RPTOR: variants seen among roughly 807,000 people sequenced by gnomAD.
RPTOR encodes regulatory-associated protein of mTOR.
Under a neutral mutation model 169.9 loss-of-function variants are expected in RPTOR, and 21 were observed. The observed-to-expected ratio is 0.12, with a 90% CI of 0.09 to 0.18. The LOEUF (loss-of-function observed/expected upper bound fraction) is 0.18. Among genes scored for constraint, RPTOR ranks in the 10% least tolerant of loss-of-function variants. RPTOR has a pLI of 1.00. For synonymous variants in RPTOR, 732 were observed against 753.2 expected (o/e 0.97, Z 0.46); for missense variants, 1,133 against 1,855.9 (o/e 0.61, Z 7.16).
intron 2 of RPTOR, among the ~76,000 whole-genome samples, 189 bp from the exon 3 acceptor site, chr17:80,643,539 G>T (rs1374001200): frequency 6.6e-6 from 1 of 152,182 alleles, no homozygotes; most frequent in African/African-American, 2.4e-5. Flanking sequence ...CCTTCACGGC[G>T]TGTCAGCTTG....
chr17:80,853,218 A>G (rs1019575446), intron 11 of RPTOR, among the ~76,000 whole-genome samples: 6 of 151,744 alleles, frequency 4.0e-5, no homozygotes, highest in African/African-American at 9.7e-5. Flanking sequence ...GCCTTTCCCT[A>G]TCCGGCCCCT....
At chr17:80,557,964 A>T (rs2084432106) in intron 1 of RPTOR, among the ~76,000 whole-genome samples, 1 of 151,964 alleles carries the variant, frequency 6.6e-6, no homozygotes, top group East Asian at 1.9e-4. Flanking sequence ...TATATGGAAA[A>T]TGCCATTCCA....
intron 6 of RPTOR, among the ~76,000 whole-genome samples, chr17:80,760,606 T>C (rs1427125949): frequency 6.6e-6 from 1 of 152,104 alleles, no homozygotes; most frequent in African/African-American, 2.4e-5. Context: ...CCAGCCTCAG[T>C]CAAGCTTTCT....
At chr17:80,923,375 C>A in intron 22 of RPTOR, 115 bp from the exon 23 acceptor site, 1 of 1,167,178 alleles carries the variant, frequency 8.6e-7, no homozygotes, top group Non-Finnish European at 1.3e-6. Context: ...TGAGGACACC[C>A]CGGGCCCTGG....
chr17:80,634,281 T>G (rs1165585304), intron 2 of RPTOR, among the ~76,000 whole-genome samples: 1 of 146,482 alleles, frequency 6.8e-6, no homozygotes, highest in Admixed American at 6.7e-5. Flanking sequence ...GTGCGTACTG[T>G]GTGTGTGCGT....
At chr17:80,749,646 G>C (rs998544068) in intron 5 of RPTOR, among the ~76,000 whole-genome samples, 1 of 152,156 alleles carries the variant, frequency 6.6e-6, no homozygotes, top group African/African-American at 2.4e-5. Flanking sequence ...TCAGTTCTCA[G>C]GACTGGTTAG....
At chr17:80,716,069 C>T (rs2143135587) in intron 4 of RPTOR, among the ~76,000 whole-genome samples, 1 of 152,282 alleles carries the variant, frequency 6.6e-6, no homozygotes, top group East Asian at 1.9e-4. Context: ...TTATTTTCCT[C>T]TGGGTAAATA....
In RPTOR at chr17:80,936,637, AGGC is replaced by A. The variant is rs2068957463; in HGVS notation, c.2920-3858_2920-3856del. Reference sequence around the variant, plus strand: ...ATCCATGTATACAACATTCCAGGGAAGGCAAAACTGTGTGGAACTGTTCTATAT... The same window carrying A: ...ATCCATGTATACAACATTCCAGGGAAAAAACTGTGTGGAACTGTTCTATAT... On this transcript the variant is annotated intron_variant, in intron 24 of 33. Coordinates refer to ENST00000306801, the MANE Select transcript of RPTOR (RefSeq NM_020761.3). This position sits in a 1 kb window ranked among gnomAD's most constrained non-coding sequence, Gnocchi z 4.1. Among the ~76,000 whole-genome samples, 2 of 152,248 alleles carry A rather than the reference AGGC, an allele frequency of 1.3e-5. No homozygotes were observed. Among genetic ancestry groups the A allele is most frequent in the Non-Finnish European group, 2.9e-5 (2 of 68,040 alleles).
intron 6 of RPTOR, among the ~76,000 whole-genome samples, chr17:80,776,131 T>G (rs1023187388): frequency 6.6e-6 from 1 of 152,140 alleles, no homozygotes; most frequent in Non-Finnish European, 1.5e-5. Context: ...CCCAACAGTT[T>G]AAAGTTATGA....
intron 15 of RPTOR, 26 bp from the exon 16 acceptor site, chr17:80,883,755 A>C (rs748090764): frequency 6.2e-7 from 1 of 1,611,572 alleles, no homozygotes; most frequent in Non-Finnish European, 8.5e-7. Flanking sequence ...GCAGAGGCCA[A>C]CCTGTCTGTG....
At chr17:80,715,103 A>G (rs7211818) in intron 4 of RPTOR, among the ~76,000 whole-genome samples, 35,017 of 152,234 alleles carry the variant, frequency 0.23, 4,119 homozygotes, top group East Asian at 0.32. Context: ...AATAACAAAC[A>G]GCAGAAATCA....
At chr17:80,961,698 C>G (rs1016486145) in intron 31 of RPTOR, 4 of 552,910 alleles carry the variant, frequency 7.2e-6, no homozygotes, top group Non-Finnish European at 1.3e-5. Context: ...CCTGCAGGCG[C>G]TTTGGGAACT....
intron 24 of RPTOR, among the ~76,000 whole-genome samples, chr17:80,926,506 T>C (rs1477622266): frequency 1.3e-5 from 2 of 152,240 alleles, no homozygotes; most frequent in East Asian, 3.8e-4. Flanking sequence ...GAGATGTAGA[T>C]GACTTCCGTG....
chr17:80,770,309 G>A (rs1266937622), intron 6 of RPTOR, among the ~76,000 whole-genome samples: 5 of 152,156 alleles, frequency 3.3e-5, no homozygotes, highest in Admixed American at 2.6e-4. Context: ...CTGTCACTTC[G>A]GGTCCTCAGA....
chr17:80,561,263 G>GTGTATATATATATATATATATATA (rs1297941814), intron 1 of RPTOR, among the ~76,000 whole-genome samples: 11 of 19,610 alleles, frequency 5.6e-4, no homozygotes, highest in African/African-American at 9.1e-4. Flanking sequence ...ATATATATAT[G>GTGTATATATATATATATATATATA]TATATATATA....
chr17:80,597,690 T>G (rs2065154112), intron 1 of RPTOR, among the ~76,000 whole-genome samples: 1 of 150,628 alleles, frequency 6.6e-6, no homozygotes, highest in African/African-American at 2.5e-5. Context: ...TTTTGTTTAT[T>G]TTTTGTAGAG....
In RPTOR at chr17:80,940,676, G is replaced by A. The variant is rs1362600943; in HGVS notation, c.3025+75G>A. 78 of 1,190,080 alleles carry A rather than the reference G, an allele frequency of 6.6e-5. 2 individuals are homozygous for A. In the South Asian group the frequency reaches 9.6e-4, roughly 15 times the overall value. 73.7% of individuals were successfully genotyped at this position (1,190,080 alleles called of 1,614,324 possible). On this transcript the variant is annotated intron_variant, in intron 25 of 33. Coordinates refer to ENST00000306801, the MANE Select transcript of RPTOR (RefSeq NM_020761.3). ...TGGGGCGAGGGTCCCCTGTGAGCAG[G>A]CCCCCCGCGGCCCACGCACAACCTT...
chr17:80,760,512 G>A (rs2143366796), intron 6 of RPTOR, among the ~76,000 whole-genome samples: 1 of 152,110 alleles, frequency 6.6e-6, no homozygotes, highest in Middle Eastern at 3.4e-3. Flanking sequence ...ATGTTGGCCA[G>A]GCTGGCATCA....
rs187029340 is a variant in RPTOR at position 80,738,760 on chromosome 17, G to A, written c.654+8054G>A. ...CTCACGTTAAATTGATGCTCAGGAA[G>A]GATCTATAGATTTGGCTTGATAAAT... On this transcript the variant is annotated intron_variant, in intron 5 of 33. Transcript: ENST00000306801. 1.3e-3 allele frequency among the ~76,000 whole-genome samples: 191 copies of A among 152,276 alleles called. 1 individual carries two copies. Among genetic ancestry groups the A allele is most frequent in the East Asian group, 1.2e-3 (6 of 5,188 alleles).
Sources: gnomAD v4.1 joint callset for allele counts (sites outside exome capture counted in the v4.1 genomes callset) on GRCh38, gnomAD v4.1.1 for gene constraint, Gnocchi (gnomAD v3.1) non-coding constraint, MANE v1.5 for transcripts, NCBI Gene and HGNC (gene_info 2026-07-23, HGNC 2026-07-21) for gene names.